MAST4: variants seen among roughly 807,000 people sequenced by gnomAD.
The protein encoded by MAST4 is microtubule-associated serine/threonine-protein kinase 4.
Under a neutral mutation model 162.7 loss-of-function variants are expected in MAST4, and 89 were observed. That is an observed-to-expected ratio of 0.55 (90% CI 0.46 to 0.65). The LOEUF is 0.65. Among genes scored for constraint, MAST4 ranks in the 30% least tolerant of loss-of-function variants. The pLI is 0.00. For synonymous variants in MAST4, 1,479 were observed against 1,361.1 expected (o/e 1.09, Z -1.91); for missense variants, 3,153 against 3,374.0 (o/e 0.93, Z 1.62).
At chr5:66,700,863 CAT>C (rs1380382573) in intron 1 of MAST4, among the ~76,000 whole-genome samples, 1 of 150,536 alleles carries the variant, frequency 6.6e-6, no homozygotes, top group East Asian at 1.9e-4. Context: ...TTGTGGATAA[CAT>C]ATTCAAGTGT....
intron 2 of MAST4, among the ~76,000 whole-genome samples, chr5:66,776,349 T>C (rs1424406356): frequency 2.0e-5 from 3 of 152,206 alleles, no homozygotes; most frequent in South Asian, 2.1e-4. Context: ...AAGAGCGTCA[T>C]TGAGTAGGAT....
intron 3 of MAST4, among the ~76,000 whole-genome samples, chr5:66,800,709 C>A (rs1755876291): frequency 6.6e-6 from 1 of 152,096 alleles, no homozygotes; most frequent in South Asian, 2.1e-4. Context: ...AAAAACACTA[C>A]ATAAATAAAT....
intron 1 of MAST4, among the ~76,000 whole-genome samples, chr5:66,715,629 C>A (rs1750782915): frequency 6.8e-6 from 1 of 147,890 alleles, no homozygotes. Context: ...ATATAATAAA[C>A]CTGCACATTG....
chr5:67,043,223 A>T (rs991936874), intron 4 of MAST4, among the ~76,000 whole-genome samples: 2 of 152,210 alleles, frequency 1.3e-5, no homozygotes, highest in Non-Finnish European at 2.9e-5. Context: ...TCACCAAATT[A>T]AATAGTTCTA....
chr5:67,037,078 G>A (rs1561560481), intron 4 of MAST4, among the ~76,000 whole-genome samples: 1 of 152,106 alleles, frequency 6.6e-6, no homozygotes, highest in African/African-American at 2.4e-5. Context: ...GTTAATTCCA[G>A]GGTGGTTGTT....
intron 11 of MAST4, among the ~76,000 whole-genome samples, chr5:67,113,208 G>T (rs1024879740): frequency 6.6e-6 from 1 of 151,804 alleles, no homozygotes; most frequent in African/African-American, 2.4e-5. Context: ...CAGCTACTAG[G>T]GGGGCTGAGG....
At chr5:66,731,437 A>G (rs2149555046) in intron 1 of MAST4, among the ~76,000 whole-genome samples, 1 of 152,238 alleles carries the variant, frequency 6.6e-6, no homozygotes, top group East Asian at 1.9e-4. Flanking sequence ...TTCTTTCTTC[A>G]CCAGCCTTCA....
intron 2 of MAST4, among the ~76,000 whole-genome samples, chr5:66,778,411 AG>A (rs1754701513): frequency 6.6e-6 from 1 of 152,168 alleles, no homozygotes; most frequent in Non-Finnish European, 1.5e-5. Context: ...GTAAACCCAA[AG>A]GTAGTGATGT....
chr5:66,761,579 G>C (rs1753851866), intron 2 of MAST4, among the ~76,000 whole-genome samples: 1 of 148,474 alleles, frequency 6.7e-6, no homozygotes, highest in Admixed American at 6.7e-5. Flanking sequence ...TTTTTTTGGA[G>C]AACTATGGAT....
chr5:66,978,588 A>T (rs1041576141), intron 4 of MAST4, among the ~76,000 whole-genome samples: 1 of 152,200 alleles, frequency 6.6e-6, no homozygotes, highest in East Asian at 1.9e-4. Flanking sequence ...TAGGATCAGG[A>T]TTTAAACTGG....
At chr5:67,078,641 T>G (rs1761977185) in intron 5 of MAST4, among the ~76,000 whole-genome samples, 1 of 136,936 alleles carries the variant, frequency 7.3e-6, no homozygotes, top group African/African-American at 2.9e-5. Context: ...TATTTATATT[T>G]ATATCTTTAT....
chr5:66,938,497 A>G (rs970421150), intron 4 of MAST4, among the ~76,000 whole-genome samples: 8 of 152,182 alleles, frequency 5.3e-5, no homozygotes, highest in African/African-American at 1.9e-4. Flanking sequence ...TTACAATGGT[A>G]ATGATTGTGT....
chr5:67,164,906 C>T lies in MAST4; in HGVS notation c.5727C>T (p.Ser1909=). The change falls in exon 29 of 29, where the codon AGC becomes AGT. Residue 1909 remains serine (S), a synonymous_variant. Transcript: ENST00000403625. This position sits in a 1 kb window ranked among gnomAD's most constrained non-coding sequence, Gnocchi z 5.3. The stretch of plus-strand genomic sequence containing the variant: ...AAGGTCCCCATCCTACTGCCAGGAG[C>T]CCTGGAACAGTCATGGAAAGCAATC... ...DRKGPHPTAR[S]PGTVMESNPQ... is the part of the protein sequence containing the mutation. 6.2e-7 allele frequency: 1 copy of T among 1,613,996 alleles called. No individual in the cohort carries two copies. The highest frequency in any genetic ancestry group is 8.5e-7 in the Non-Finnish European group (1 of 1,179,900).
intron 4 of MAST4, among the ~76,000 whole-genome samples, chr5:66,998,908 G>GC (rs1459612592): frequency 6.6e-6 from 1 of 152,210 alleles, no homozygotes; most frequent in Non-Finnish European, 1.5e-5. Context: ...CATTGGGGAT[G>GC]GGGGGCTCCC....
chr5:66,730,470 T>C (rs922521621), intron 1 of MAST4, among the ~76,000 whole-genome samples: 47 of 152,194 alleles, frequency 3.1e-4, no homozygotes, highest in African/African-American at 1.1e-3. Flanking sequence ...GTTGTTCGCA[T>C]TGTGTAAATC....
chr5:66,764,975 G>A (rs1035810824), intron 2 of MAST4, among the ~76,000 whole-genome samples: 4 of 152,106 alleles, frequency 2.6e-5, no homozygotes, highest in African/African-American at 7.2e-5. Flanking sequence ...TCCTATACAG[G>A]TGTACCACTT....
intron 4 of MAST4, among the ~76,000 whole-genome samples, chr5:66,958,457 T>G (rs1187712138): frequency 6.6e-6 from 1 of 152,190 alleles, no homozygotes; most frequent in Non-Finnish European, 1.5e-5. Context: ...CTTATTCATA[T>G]TAGATTGCTT....
chr5:67,160,332 G>GA (rs1773044148), intron 26 of MAST4, 124 bp from the exon 27 acceptor site: 1 of 999,590 alleles, frequency 1.0e-6, no homozygotes. Context: ...GGGTTATTTA[G>GA]AAACAGAAGG....
chr5:66,773,861 C>T (rs1304633942), intron 2 of MAST4, among the ~76,000 whole-genome samples: 1 of 151,834 alleles, frequency 6.6e-6, no homozygotes, highest in East Asian at 1.9e-4. Flanking sequence ...TGTAGCGGCA[C>T]AAACTAAGAT....
Sources: allele counts gnomAD v4.1 joint callset (sites outside exome capture counted in the v4.1 genomes callset), GRCh38; gene constraint gnomAD v4.1.1; non-coding constraint Gnocchi (gnomAD v3.1); transcripts MANE v1.5; gene names NCBI Gene and HGNC (gene_info 2026-07-23, HGNC 2026-07-21).